Variants in ADAM28 observed in about 807,000 individuals in gnomAD.
The protein encoded by ADAM28 is disintegrin and metalloproteinase domain-containing protein 28.
A neutral mutation model predicts 101.2 loss-of-function variants in ADAM28; 105 were observed. The ratio of observed to expected loss-of-function variants is 1.04; its 90% CI spans 0.89 to 1.22. ADAM28 has a LOEUF of 1.22. ADAM28 is among the 50% of genes most tolerant of loss of function. ADAM28 has a pLI of 0.00. For missense variants in ADAM28, 1,028 were observed against 945.4 expected, an observed-to-expected ratio of 1.09 and a Z score of -1.15; for synonymous variants, 322 against 310.6, an observed-to-expected ratio of 1.04 and a Z score of -0.39.
intron 1 of ADAM28, among the ~76,000 whole-genome samples, chr8:24,294,978 C>T (rs1156244910): frequency 6.6e-6 from 1 of 152,130 alleles, no homozygotes; most frequent in African/African-American, 2.4e-5. Flanking sequence ...TGCAGTGCCT[C>T]GAATTCCTCC....
chr8:24,321,146 A>G lies in ADAM28; in HGVS notation c.649-72A>G, dbSNP rs1811821201. 3.6e-6 allele frequency: 3 copies of G among 842,104 alleles called. No individual in the cohort carries two copies. In the South Asian group the frequency reaches 4.6e-5, roughly 13 times the overall value. The allele number at this position is 842,104 out of a possible 1,614,324, so 52.2% of individuals were successfully genotyped here. ...AATCAATAATAAGTAATATAAGAGA[A>G]GATGCCTTTTTAACCTTCCAAGTAT... On this transcript the variant is annotated intron_variant, in intron 7 of 22. Coordinates refer to ENST00000265769, the MANE Select transcript of ADAM28 (RefSeq NM_014265.6).
intron 6 of ADAM28, among the ~76,000 whole-genome samples, chr8:24,314,904 T>C (rs1035283262): frequency 6.8e-6 from 1 of 148,048 alleles, no homozygotes; most frequent in South Asian, 2.1e-4. Context: ...AGATGTTTTA[T>C]GTAAACCTCA....
chr8:24,312,450 T>C (rs776269097), intron 5 of ADAM28, among the ~76,000 whole-genome samples: 1 of 152,080 alleles, frequency 6.6e-6, no homozygotes, highest in African/African-American at 2.4e-5. Flanking sequence ...TCTGAAATTG[T>C]TCATTCTGTC....
chr8:24,353,427 G>T (rs538126762), intron 21 of ADAM28, among the ~76,000 whole-genome samples: 1 of 11,032 alleles, frequency 9.1e-5, no homozygotes, highest in African/African-American at 1.1e-4. Context: ...CTACATTTGA[G>T]ATTTTTTTCT....
intron 4 of ADAM28, chr8:24,310,520 T>A (rs1409902152): frequency 1.3e-5 from 4 of 308,978 alleles, no homozygotes; most frequent in Non-Finnish European, 2.4e-5. Context: ...AGTGAAGAGT[T>A]ACATACCTCT....
intron 2 of ADAM28, among the ~76,000 whole-genome samples, chr8:24,302,543 T>C (rs1808925881): frequency 6.6e-6 from 1 of 152,222 alleles, no homozygotes; most frequent in African/African-American, 2.4e-5. Context: ...TTGAACTAAA[T>C]TACGTTCCCA....
chr8:24,319,579 G>A (rs1811602257), intron 6 of ADAM28, among the ~76,000 whole-genome samples: 1 of 151,878 alleles, frequency 6.6e-6, no homozygotes, highest in South Asian at 2.1e-4. Flanking sequence ...TAAAAGACAT[G>A]CACTTCCAGA....
At position 24,315,617 on chromosome 8, in the gene ADAM28, CA is replaced by C. The variant is rs561622422; in HGVS notation, c.576+2044del. Among the ~76,000 whole-genome samples the C allele has an allele frequency of 3.2e-3, 489 of 151,684 alleles. 1 individual carries two copies. Among genetic ancestry groups the C allele is most frequent in the Non-Finnish European group, 4.7e-3 (318 of 67,730 alleles). ...TATTACCAATACTTTTTAAAATTTT[CA>C]AAAAAATAGAGACAGAAGGTGTACT... On this transcript the variant is annotated intron_variant, in intron 6 of 22. Transcript: ENST00000265769.
At chr8:24,306,346 ATAC>A in intron 2 of ADAM28, among the ~76,000 whole-genome samples, 1 of 135,058 alleles carries the variant, frequency 7.4e-6, no homozygotes, top group Non-Finnish European at 1.5e-5. Context: ...TCCATCTCAA[ATAC>A]AAATAAATAA....
chr8:24,341,842 G>A (rs985688075), intron 16 of ADAM28, 85 bp downstream of exon 16: 3 of 1,552,372 alleles, frequency 1.9e-6, no homozygotes, highest in African/African-American at 1.4e-5. Flanking sequence ...TATTCACTAT[G>A]TGCCTTGTTT....
Position 24,341,679 on chromosome 8 carries a change from A to T in ADAM28, c.1752A>T (p.Thr584=), listed in dbSNP as rs376382532. The T allele has an allele frequency of 6.2e-7, 1 of 1,614,006 alleles. No individual in the cohort carries two copies. Among genetic ancestry groups the T allele is most frequent in the East Asian group, 2.2e-5 (1 of 44,874 alleles). ...PWKGRIVTFL[T]CKTFDPEDTS... is the part of the protein sequence containing the mutation. Reference sequence around the variant, plus strand: ...AAGGACGGATAGTGACTTTCCTGACATGTAAAACATTTGATCCTGAAGACA... The same window carrying T: ...AAGGACGGATAGTGACTTTCCTGACTTGTAAAACATTTGATCCTGAAGACA... Residue 584 remains threonine (T), a synonymous_variant, in exon 16 of 23, where the codon ACA becomes ACT. Transcript: ENST00000265769.
intron 6 of ADAM28, among the ~76,000 whole-genome samples, chr8:24,318,839 A>G (rs775714686): frequency 1.3e-5 from 2 of 151,998 alleles, no homozygotes; most frequent in East Asian, 1.9e-4. Flanking sequence ...AACCATGGCA[A>G]CAGCCTCTGC....
At chr8:24,354,267 C>T in intron 22 of ADAM28, 117 bp from the exon 23 acceptor site, 5 of 869,878 alleles carry the variant, frequency 5.7e-6, no homozygotes, top group Non-Finnish European at 9.0e-6. Flanking sequence ...TATCAAGTGA[C>T]CTATGAAATA....
intron 11 of ADAM28, among the ~76,000 whole-genome samples, 156 bp from the exon 12 acceptor site, chr8:24,330,994 C>T (rs145285348): frequency 6.6e-5 from 10 of 152,102 alleles, no homozygotes; most frequent in African/African-American, 1.2e-4. Context: ...TGGGTTAATT[C>T]GGGCATGCAA....
chr8:24,354,513 A>C lies in ADAM28; in HGVS notation c.*109A>C. 2 of 1,329,188 alleles carry C rather than the reference A, an allele frequency of 1.5e-6. No individual in the cohort carries two copies. Among genetic ancestry groups the C allele is most frequent in the Non-Finnish European group, 2.0e-6 (2 of 978,448 alleles). The allele number at this position is 1,329,188 out of a possible 1,614,324, so 82.3% of individuals were successfully genotyped here. ...TCTCACCAGTATTTGCTCTCGACTC[A>C]AGAAGGTTAACATTTTCTGATTCAT... On this transcript the variant is annotated 3_prime_UTR_variant, in exon 23 of 23. Transcript: ENST00000265769.
chr8:24,326,609 T>G lies in ADAM28; in HGVS notation c.946T>G (p.Ser316Ala), dbSNP rs537213846. The G allele has an allele frequency of 6.2e-7, 1 of 1,612,148 alleles. No individual in the cohort carries two copies. The highest frequency in any genetic ancestry group is 2.2e-5 in the East Asian group (1 of 44,780). ...VGLAFMSTMC[S>A]PYSVGVVQDH... is the part of the protein sequence containing the mutation. ...TCTTGCATTTATGTCTACAATGTGT[T>G]CTCCTTATTCTGTTGGCGTTGTTCA... The change falls in exon 10 of 23, where the codon TCT becomes GCT. Residue 316 changes from serine (S) to alanine (A), a missense_variant. Physicochemically the swap from Ser to Ala is moderately conservative, Grantham distance 99. Transcript: ENST00000265769.
At chr8:24,296,936 G>A (rs62502710) in intron 1 of ADAM28, among the ~76,000 whole-genome samples, 19,049 of 152,070 alleles carry the variant, frequency 0.13, 1,211 homozygotes, top group East Asian at 0.24. Flanking sequence ...CAATATTTAG[G>A]TCTGTTACAT....
At position 24,331,130 on chromosome 8, in the gene ADAM28, T is replaced by C; in HGVS notation, c.1104-20T>C. On this transcript the variant is annotated intron_variant, in intron 11 of 22. Transcript: ENST00000265769. ...GTTAAGCATGACTATATTCCAGTTT[T>C]TCTTTCCTTATCTTCACAGCTTCTA... 6.3e-7 allele frequency: 1 copy of C among 1,594,190 alleles called. No individual in the cohort carries two copies. The highest frequency in any genetic ancestry group is 8.5e-7 in the Non-Finnish European group (1 of 1,171,578).
intron 6 of ADAM28, among the ~76,000 whole-genome samples, chr8:24,313,887 A>G (rs1810812248): frequency 6.6e-6 from 1 of 151,402 alleles, no homozygotes; most frequent in African/African-American, 2.4e-5. Flanking sequence ...CCTCCTGAGT[A>G]GCTGGGATTA....
Sources: allele counts gnomAD v4.1 joint callset (sites outside exome capture counted in the v4.1 genomes callset), GRCh38; gene constraint gnomAD v4.1.1; transcripts MANE v1.5; gene names NCBI Gene and HGNC (gene_info 2026-07-23, HGNC 2026-07-21).